RALYL: variants seen among roughly 807,000 people sequenced by gnomAD.
RALYL encodes the protein RALY RNA binding protein like, also known as RNA-binding Raly-like protein.
A neutral mutation model predicts 35.1 loss-of-function variants in RALYL; 29 were observed. The ratio of observed to expected loss-of-function variants is 0.83; its 90% CI spans 0.61 to 1.13. The LOEUF (loss-of-function observed/expected upper bound fraction) is 1.13, where lower values mean the gene tolerates loss of function less well. RALYL is among the 50% of genes most tolerant of loss of function. The pLI is 0.00. For missense variants in RALYL, 359 were observed against 360.4 expected, an observed-to-expected ratio of 1.00 and a Z score of 0.03; for synonymous variants, 120 against 127.6, an observed-to-expected ratio of 0.94 and a Z score of 0.40.
intron 2 of RALYL, among the ~76,000 whole-genome samples, chr8:84,656,452 C>T (rs1479202285): frequency 1.3e-5 from 2 of 152,146 alleles, no homozygotes; most frequent in Admixed American, 6.6e-5. Context: ...TGACTGATTA[C>T]TGACTATGAG....
At chr8:84,582,973 G>A (rs1184633454) in intron 2 of RALYL, among the ~76,000 whole-genome samples, 1 of 152,012 alleles carries the variant, frequency 6.6e-6, no homozygotes, top group Non-Finnish European at 1.5e-5. Flanking sequence ...TTATTCTTAA[G>A]TAATCAATAA....
chr8:84,813,413 C>T (rs1178031783), intron 4 of RALYL, among the ~76,000 whole-genome samples: 1 of 152,226 alleles, frequency 6.6e-6, no homozygotes, highest in African/African-American at 2.4e-5. Flanking sequence ...CAAGTGGGAA[C>T]TGCAGTCTAG....
chr8:84,736,268 C>A (rs559699014), intron 2 of RALYL, among the ~76,000 whole-genome samples: 3 of 152,116 alleles, frequency 2.0e-5, no homozygotes, highest in Non-Finnish European at 4.4e-5. Context: ...TGTAACCAGC[C>A]TTGGGCTAGG....
chr8:84,510,808 C>CAA (rs60199547), intron 1 of RALYL, among the ~76,000 whole-genome samples: 74 of 137,296 alleles, frequency 5.4e-4, no homozygotes, highest in East Asian at 3.2e-3. Context: ...GAAACTATCT[C>CAA]AAAAAAAAAA....
At chr8:84,367,896 A>C (rs1854823699) in intron 1 of RALYL, among the ~76,000 whole-genome samples, 1 of 152,290 alleles carries the variant, frequency 6.6e-6, no homozygotes, top group East Asian at 1.9e-4. Context: ...AGTTTAGAAA[A>C]ATGATTCCAG....
At chr8:84,454,166 A>G (rs2049860390) in intron 1 of RALYL, among the ~76,000 whole-genome samples, 1 of 152,018 alleles carries the variant, frequency 6.6e-6, no homozygotes, top group African/African-American at 2.4e-5. Flanking sequence ...AGGAAGAGAT[A>G]GATTATCTTT....
At chr8:84,557,663 A>G (rs2061220622) in intron 2 of RALYL, among the ~76,000 whole-genome samples, 1 of 152,170 alleles carries the variant, frequency 6.6e-6, no homozygotes, top group African/African-American at 2.4e-5. Flanking sequence ...CAAAGTGTGT[A>G]TTTACAATAG....
At chr8:84,719,099 T>C (rs984674459) in intron 2 of RALYL, among the ~76,000 whole-genome samples, 3 of 152,168 alleles carry the variant, frequency 2.0e-5, no homozygotes, top group Non-Finnish European at 4.4e-5. Flanking sequence ...TTTATCTTTG[T>C]TATGGATTCC....
At chr8:84,826,827 C>G (rs1408951333) in intron 4 of RALYL, among the ~76,000 whole-genome samples, 3 of 151,798 alleles carry the variant, frequency 2.0e-5, no homozygotes, top group Admixed American at 6.6e-5. Flanking sequence ...TGATGCCTTG[C>G]CCCGAAATAT....
At chr8:84,605,254 C>T (rs1285862867) in intron 2 of RALYL, among the ~76,000 whole-genome samples, 1 of 152,082 alleles carries the variant, frequency 6.6e-6, no homozygotes, top group African/African-American at 2.4e-5. Context: ...CTTGGGTTTT[C>T]ATCCTCATAC....
intron 2 of RALYL, among the ~76,000 whole-genome samples, chr8:84,661,721 C>T (rs576220187): frequency 4.6e-5 from 7 of 151,670 alleles, no homozygotes; most frequent in Admixed American, 1.3e-4. Flanking sequence ...CATGCTGGTG[C>T]GCTGCACCTA....
intron 1 of RALYL, among the ~76,000 whole-genome samples, chr8:84,287,645 C>A (rs1837916840): frequency 6.6e-6 from 1 of 152,022 alleles, no homozygotes; most frequent in Non-Finnish European, 1.5e-5. Context: ...AAAAAAGCCC[C>A]TTAATAGGGC....
rs546794955 is a variant in RALYL, at chr8:84,242,159, A to G, written c.-24+57735A>G. Among the ~76,000 whole-genome samples the G allele has an allele frequency of 7.6e-4, 115 of 152,280 alleles. 4 individuals are homozygous for G. The South Asian group carries it at 0.022, about 29-fold the overall frequency. ...AAGATAATGGCTTCCAGTTCCATCC[A>G]TGTCCCTGCAACAGACACGGTCTTA... On this transcript the variant is annotated intron_variant, in intron 1 of 8. Transcript: ENST00000521268.
chr8:84,205,920 C>T (rs1418837492), intron 1 of RALYL, among the ~76,000 whole-genome samples: 1 of 152,128 alleles, frequency 6.6e-6, no homozygotes, highest in African/African-American at 2.4e-5. Flanking sequence ...GGCCTGTCTC[C>T]TTGGCTTGCA....
chr8:84,722,412 C>G (rs1422083739), intron 2 of RALYL, among the ~76,000 whole-genome samples: 4 of 151,380 alleles, frequency 2.6e-5, no homozygotes, highest in Admixed American at 2.6e-4. Flanking sequence ...GTAAAGTGGC[C>G]AAGGTCATAG....
At chr8:84,414,036 A>G (rs1018480492) in intron 1 of RALYL, among the ~76,000 whole-genome samples, 1 of 152,140 alleles carries the variant, frequency 6.6e-6, no homozygotes, top group East Asian at 1.9e-4. Context: ...GAATCAAAAT[A>G]TGGGGTAATT....
chr8:84,559,446 A>G (rs758530536), intron 2 of RALYL, among the ~76,000 whole-genome samples: 6 of 152,030 alleles, frequency 3.9e-5, no homozygotes, highest in Non-Finnish European at 8.8e-5. Context: ...TATATTTTTT[A>G]ATTTTGAAGT....
intron 2 of RALYL, chr8:84,705,887 A>T: frequency 6.8e-7 from 1 of 1,463,898 alleles, no homozygotes; most frequent in South Asian, 1.4e-5. Context: ...GAATGGTATT[A>T]CCCTGGCTTT....
intron 2 of RALYL, among the ~76,000 whole-genome samples, chr8:84,696,191 G>C (rs1839104678): frequency 6.6e-6 from 1 of 151,412 alleles, no homozygotes; most frequent in South Asian, 2.1e-4. Context: ...TTAAAAGACT[G>C]AAGTTAAGTT....
Sources: allele counts gnomAD v4.1 joint callset (sites outside exome capture counted in the v4.1 genomes callset), GRCh38; gene constraint gnomAD v4.1.1; transcripts MANE v1.5; gene names NCBI Gene and HGNC (gene_info 2026-07-23, HGNC 2026-07-21).